MAN1A2: variants seen among roughly 807,000 people sequenced by gnomAD.
The protein encoded by MAN1A2 is mannosidase alpha class 1A member 2, also known as mannosyl-oligosaccharide 1,2-alpha-mannosidase IB.
Under a neutral mutation model 75.7 loss-of-function variants are expected in MAN1A2, and 26 were observed. That is an observed-to-expected ratio of 0.34 (90% CI 0.25 to 0.48). The LOEUF (loss-of-function observed/expected upper bound fraction) is 0.48. Among genes scored for constraint, MAN1A2 ranks in the 20% least tolerant of loss-of-function variants. The pLI is 0.99. For missense variants in MAN1A2, 562 were observed against 775.5 expected, an observed-to-expected ratio of 0.72 and a Z score of 3.27; for synonymous variants, 247 against 264.6, an observed-to-expected ratio of 0.93 and a Z score of 0.65.
chr1:117,496,817 G>C lies in MAN1A2; in HGVS notation c.1339G>C (p.Glu447Gln). ...KSRGGLTFIG[E>Q]WKNGHLEKKM... is the part of the protein sequence containing the mutation. The stretch of plus-strand genomic sequence containing the variant: ...TCGTGGAGGTCTTACCTTTATTGGA[G>C]AATGGAAGAATGGGCACTTGGAAAA... Residue 447 changes from glutamate to glutamine, a missense_variant, in exon 10 of 13, where the codon GAA (glutamate) becomes CAA (glutamine). Physicochemically the swap from Glu to Gln is conservative, Grantham distance 29 (BLOSUM62 2). Transcript: ENST00000356554. 2 of 1,612,636 alleles carry C rather than the reference G, an allele frequency of 1.2e-6. No individual in the cohort carries two copies. Among genetic ancestry groups the C allele is most frequent in the Non-Finnish European group, 1.7e-6 (2 of 1,179,142 alleles).
chr1:117,499,320 A>G (rs932739482), intron 10 of MAN1A2, 62 bp from the exon 11 acceptor site: 2 of 1,197,606 alleles, frequency 1.7e-6, no homozygotes, highest in Non-Finnish European at 2.2e-6. Flanking sequence ...GGAAGAAAGA[A>G]GTCCTTGCAA....
chr1:117,401,844 T>A (rs1286001118), intron 1 of MAN1A2, among the ~76,000 whole-genome samples: 1 of 152,188 alleles, frequency 6.6e-6, no homozygotes, highest in Non-Finnish European at 1.5e-5. Flanking sequence ...TATATTTTTG[T>A]CTCTTCTCTG....
chr1:117,492,293 C>T (rs993165350), intron 8 of MAN1A2, among the ~76,000 whole-genome samples: 1 of 152,070 alleles, frequency 6.6e-6, no homozygotes, highest in African/African-American at 2.4e-5. Flanking sequence ...CAGCAGCCAC[C>T]ACCCTGATCA....
At chr1:117,439,520 G>A (rs984387352) in intron 5 of MAN1A2, among the ~76,000 whole-genome samples, 3 of 151,384 alleles carry the variant, frequency 2.0e-5, no homozygotes, top group African/African-American at 7.3e-5. Flanking sequence ...TGGAGACAGA[G>A]TCTTGCTCTG....
At chr1:117,446,753 G>A (rs1223838618) in intron 6 of MAN1A2, among the ~76,000 whole-genome samples, 1 of 151,644 alleles carries the variant, frequency 6.6e-6, no homozygotes, top group African/African-American at 2.4e-5. Context: ...CAGTTGTTGG[G>A]TATAACATTC....
rs756739120 is a variant in MAN1A2 at position 117,368,176 on chromosome 1, C to T, written c.-8C>T. 1 of 1,603,646 alleles carries T rather than the reference C, an allele frequency of 6.2e-7. No homozygotes were observed. Among genetic ancestry groups the T allele is most frequent in the African/African-American group, 1.3e-5 (1 of 74,342 alleles). ...CTTTCTAAAGTATTCTCTCCAAGAG[C>T]GTAAACGATGACTACCCCAGCCCTG... On this transcript the variant is annotated 5_prime_UTR_variant, in exon 1 of 13. Transcript: ENST00000356554.
chr1:117,388,218 AG>A, intron 1 of MAN1A2, among the ~76,000 whole-genome samples: 1 of 152,268 alleles, frequency 6.6e-6, no homozygotes, highest in South Asian at 2.1e-4. Context: ...ACTTGAAGAG[AG>A]GGAAGGTTCA....
chr1:117,423,971 C>T (rs940844522), intron 5 of MAN1A2, among the ~76,000 whole-genome samples: 6 of 151,352 alleles, frequency 4.0e-5, no homozygotes, highest in Non-Finnish European at 8.8e-5. Context: ...CAACCTCTGC[C>T]TCCCGGGTTC....
chr1:117,429,619 C>T (rs1374516725), intron 5 of MAN1A2, among the ~76,000 whole-genome samples: 37 of 111,310 alleles, frequency 3.3e-4, no homozygotes, highest in African/African-American at 3.2e-4. Context: ...GGCGGCTGGC[C>T]GGGCAGAGGG....
At chr1:117,490,000 G>T (rs1051209903) in intron 8 of MAN1A2, among the ~76,000 whole-genome samples, 1 of 151,704 alleles carries the variant, frequency 6.6e-6, no homozygotes, top group African/African-American at 2.4e-5. Context: ...AGGATATAGG[G>T]CAGGGTTTGT....
chr1:117,372,069 A>G (rs572789641), intron 1 of MAN1A2, among the ~76,000 whole-genome samples: 1 of 152,198 alleles, frequency 6.6e-6, no homozygotes, highest in Non-Finnish European at 1.5e-5. Context: ...CATAAATACT[A>G]AGAGAAGTTA....
At position 117,499,646 on chromosome 1, in the gene MAN1A2, T is replaced by C. The variant is rs544184041; in HGVS notation, c.1677+92T>C. The C allele has an allele frequency of 6.2e-6, 6 of 967,654 alleles. No homozygotes were observed. In the Admixed American group the frequency reaches 1.4e-4, roughly 22 times the overall value. 59.9% of individuals were successfully genotyped at this position (967,654 alleles called of 1,614,324 possible). On this transcript the variant is annotated intron_variant, in intron 11 of 12. Coordinates refer to ENST00000356554, the MANE Select transcript of MAN1A2 (RefSeq NM_006699.5). ...ACCCTCACCCATGTTACCTCATTTT[T>C]AGTATCTGTAGGGCAGTTTTTATTT...
At position 117,523,039 on chromosome 1, in the gene MAN1A2, GA is replaced by G; in HGVS notation, c.*86del. On this transcript the variant is annotated 3_prime_UTR_variant, in exon 13 of 13. Transcript: ENST00000356554. ...AAATTAGTTTGAAGGGGCGGCTTTT[GA>G]AAACCTGGACCTCTATGTCAACATG... 6.8e-7 allele frequency: 1 copy of G among 1,465,014 alleles called. No homozygotes were observed. Among genetic ancestry groups the G allele is most frequent in the Non-Finnish European group, 9.5e-7 (1 of 1,055,382 alleles). 90.8% of individuals were successfully genotyped at this position (1,465,014 alleles called of 1,614,324 possible).
Position 117,521,037 on chromosome 1 carries a change from C to T in MAN1A2, c.1794-1788C>T, listed in dbSNP as rs185290229. On this transcript the variant is annotated intron_variant, in intron 12 of 12. Transcript: ENST00000356554. The stretch of plus-strand genomic sequence containing the variant: ...CAAATAGTTACAGCCAACTGATCTT[C>T]GACAAAGCAAACAAACAAAGTGGGG... 6.6e-3 allele frequency among the ~76,000 whole-genome samples: 1,007 copies of T among 151,886 alleles called. 11 individuals are homozygous for T. Among genetic ancestry groups the T allele is most frequent in the Middle Eastern group, 0.01 (3 of 292 alleles).
At chr1:117,408,546 A>G (rs925694487) in intron 3 of MAN1A2, among the ~76,000 whole-genome samples, 12 of 151,900 alleles carry the variant, frequency 7.9e-5, no homozygotes, top group South Asian at 2.1e-4. Flanking sequence ...TTTGATTTGT[A>G]CATGTTTTGT....
chr1:117,382,135 T>C (rs999044255), intron 1 of MAN1A2, among the ~76,000 whole-genome samples: 6 of 152,202 alleles, frequency 3.9e-5, no homozygotes, highest in East Asian at 3.8e-4. Flanking sequence ...TGTAGGTTGC[T>C]CGTTCACTCT....
intron 1 of MAN1A2, among the ~76,000 whole-genome samples, chr1:117,392,546 C>A (rs1209278885): frequency 6.6e-6 from 1 of 152,082 alleles, no homozygotes. Context: ...ATTGTGAACT[C>A]CTGTGGGCAA....
chr1:117,388,303 GT>G (rs1366632780), intron 1 of MAN1A2, among the ~76,000 whole-genome samples: 3 of 152,084 alleles, frequency 2.0e-5, no homozygotes, highest in South Asian at 2.1e-4. Context: ...TAACAATTTT[GT>G]TTTGGGGTTC....
chr1:117,461,387 T>G (rs1199285643), intron 7 of MAN1A2, among the ~76,000 whole-genome samples: 1 of 152,090 alleles, frequency 6.6e-6, no homozygotes, highest in Non-Finnish European at 1.5e-5. Flanking sequence ...ATGGTGGTTA[T>G]CAGAGGCTTG....
Sources: allele counts gnomAD v4.1 joint callset (sites outside exome capture counted in the v4.1 genomes callset), GRCh38; gene constraint gnomAD v4.1.1; transcripts MANE v1.5; gene names NCBI Gene and HGNC (gene_info 2026-07-23, HGNC 2026-07-21).